Variants in VEGFC observed in about 807,000 individuals in gnomAD.
VEGFC encodes the protein FLT4 ligand DHM.
VEGFC carries 12 observed loss-of-function variants against 46.1 expected under a neutral mutation model. The ratio of observed to expected loss-of-function variants is 0.26; its 90% CI spans 0.17 to 0.42. The LOEUF (loss-of-function observed/expected upper bound fraction) is 0.42, where lower values mean the gene tolerates loss of function less well. Among genes scored for constraint, VEGFC ranks in the 10% least tolerant of loss-of-function variants. VEGFC has a pLI of 1.00. For synonymous variants in VEGFC, 232 were observed against 195.5 expected, an observed-to-expected ratio of 1.19 and a Z score of -1.56; for missense variants, 488 against 529.4, an observed-to-expected ratio of 0.92 and a Z score of 0.77.
chr4:176,698,881 C>T (rs1052155300), intron 4 of VEGFC, among the ~76,000 whole-genome samples: 4 of 152,086 alleles, frequency 2.6e-5, no homozygotes, highest in Non-Finnish European at 4.4e-5. Context: ...TTGGAAATGA[C>T]AGAATCTTTG....
chr4:176,785,022 T>C (rs1431519283), intron 1 of VEGFC, among the ~76,000 whole-genome samples: 1 of 152,004 alleles, frequency 6.6e-6, no homozygotes, highest in African/African-American at 2.4e-5. Context: ...GCAACAGTTA[T>C]GTGACTGAAA....
intron 4 of VEGFC, among the ~76,000 whole-genome samples, chr4:176,697,562 T>C (rs1459325918): frequency 1.3e-5 from 2 of 150,046 alleles, no homozygotes; most frequent in Non-Finnish European, 3.0e-5. Flanking sequence ...TCAACCATTG[T>C]GGAAGTCAGT....
intron 1 of VEGFC, among the ~76,000 whole-genome samples, chr4:176,786,016 G>C (rs112789945): frequency 0.029 from 4,346 of 152,106 alleles, 187 homozygotes; most frequent in African/African-American, 0.099. Context: ...CAGCAATCAG[G>C]AGCATATAGA....
chr4:176,792,823 CT>C lies in VEGFC; in HGVS notation c.-513del, dbSNP rs1375404145. On this transcript the variant is annotated 5_prime_UTR_variant, in exon 1 of 7. It removes the in-frame stop codon of an upstream open reading frame in the 5' UTR. Transcript: ENST00000618562. This position sits in a 1 kb window ranked among gnomAD's most constrained non-coding sequence, Gnocchi z 6.3. The stretch of plus-strand genomic sequence containing the variant: ...GGGCGGGAGGAGGGCGGCGGGGCGG[CT>C]GGCGGCGGCGGGGCCCGGGAGCGCC... 1 of 146,516 alleles carries C rather than the reference CT, an allele frequency of 6.8e-6. No homozygotes were observed. Among genetic ancestry groups the C allele is most frequent in the Non-Finnish European group, 1.5e-5 (1 of 65,594 alleles). The allele number at this position is 146,516 out of a possible 1,614,324, so 9.1% of individuals were successfully genotyped here. A position where few individuals can be genotyped will look rare whatever the true frequency, so the allele number is the denominator to read the frequency against.
chr4:176,724,186 A>G (rs1055767176), intron 3 of VEGFC, among the ~76,000 whole-genome samples: 3 of 152,218 alleles, frequency 2.0e-5, no homozygotes, highest in African/African-American at 7.2e-5. Context: ...CTATTTTATT[A>G]TTAATAATCT....
Position 176,740,002 on chromosome 4 carries a change from AAT to A in VEGFC, c.148-10258_148-10257del, listed in dbSNP as rs1179904885. ...ATATAACTATATATTCGATATATCG[AAT>A]ATATATAACTATATATTCGATATAT... On this transcript the variant is annotated intron_variant, in intron 1 of 6. Coordinates refer to ENST00000618562, the MANE Select transcript of VEGFC (RefSeq NM_005429.5). Among the ~76,000 whole-genome samples, 35 of 112,164 alleles carry A rather than the reference AAT, an allele frequency of 3.1e-4. 3 individuals carry two copies. The highest frequency in any genetic ancestry group is 1.1e-3 in the African/African-American group (35 of 31,416). 73.6% of individuals were successfully genotyped at this position (112,164 alleles called of 152,430 possible).
chr4:176,765,945 G>A (rs1735614623), intron 1 of VEGFC, among the ~76,000 whole-genome samples: 1 of 151,942 alleles, frequency 6.6e-6, no homozygotes, highest in South Asian at 2.1e-4. Context: ...AAAAAACAGA[G>A]GGTAATATGG....
At chr4:176,719,397 C>G (rs1350610835) in intron 3 of VEGFC, among the ~76,000 whole-genome samples, 1 of 152,126 alleles carries the variant, frequency 6.6e-6, no homozygotes, top group African/African-American at 2.4e-5. Context: ...TCATACTACA[C>G]TGATAATGCA....
rs57275409 is a variant in VEGFC at position 176,692,373 on chromosome 4, G to A, written c.705-4446C>T. On this transcript the variant is annotated intron_variant, in intron 4 of 6. Transcript: ENST00000618562. ...CCCGCCACTGCACTCCAGCCTGGGC[G>A]ACAGAGCGAGACTCCGTCTCAAAAA... 1.0e-3 allele frequency among the ~76,000 whole-genome samples: 131 copies of A among 127,774 alleles called. 1 individual carries two copies. The highest frequency in any genetic ancestry group is 4.7e-3 in the African/African-American group (103 of 22,084). 83.8% of individuals were successfully genotyped at this position (127,774 alleles called of 152,430 possible).
rs1169245745 is a variant in VEGFC, at chr4:176,729,629, C to T, written c.265G>A (p.Gly89Ser). 1 of 1,613,716 alleles carries T rather than the reference C, an allele frequency of 6.2e-7. No individual in the cohort carries two copies. The highest frequency in any genetic ancestry group is 8.5e-7 in the Non-Finnish European group (1 of 1,179,926). The part of the protein sequence containing the change: ...KMYKCQLRKG[G>S]WQHNREQANL... Reference sequence around the variant, plus strand: ...GCCTGTTCTCTGTTATGTTGCCAGCCTCCTTTCCTTAGCTGACACTTGTAC... The same window carrying T: ...GCCTGTTCTCTGTTATGTTGCCAGCTTCCTTTCCTTAGCTGACACTTGTAC... The change falls in exon 2 of 7, where the codon GGC becomes AGC. Residue 89 changes from glycine (G) to serine (S), a missense_variant. By Grantham distance (56) the Gly-to-Ser change is moderately conservative. Coordinates refer to ENST00000618562, the MANE Select transcript of VEGFC (RefSeq NM_005429.5).
chr4:176,754,986 C>A (rs966105108), intron 1 of VEGFC, among the ~76,000 whole-genome samples: 12 of 152,036 alleles, frequency 7.9e-5, no homozygotes, highest in Admixed American at 5.9e-4. Flanking sequence ...CATATACATT[C>A]AAATAGAAAC....
At chr4:176,706,970 T>C (rs1408434457) in intron 4 of VEGFC, among the ~76,000 whole-genome samples, 1 of 152,200 alleles carries the variant, frequency 6.6e-6, no homozygotes, top group East Asian at 1.9e-4. Context: ...AAGGGCCTCA[T>C]GTAAATCAAA....
chr4:176,783,859 G>A (rs1735953823), intron 1 of VEGFC, among the ~76,000 whole-genome samples: 2 of 62,884 alleles, frequency 3.2e-5, no homozygotes, highest in African/African-American at 5.3e-5. Context: ...AAAATTGTCA[G>A]TAATTTATAA....
At chr4:176,701,162 T>C (rs1734425093) in intron 4 of VEGFC, among the ~76,000 whole-genome samples, 1 of 152,210 alleles carries the variant, frequency 6.6e-6, no homozygotes, top group Non-Finnish European at 1.5e-5. Flanking sequence ...ACCATGCTAA[T>C]GCAAGATGTT....
At chr4:176,692,652 G>C (rs1222865813) in intron 4 of VEGFC, among the ~76,000 whole-genome samples, 4,078 of 138,586 alleles carry the variant, frequency 0.029, 97 homozygotes, top group Non-Finnish European at 0.039. Flanking sequence ...GCCTGCCTCT[G>C]TAGGCTCCAC....
chr4:176,706,430 C>A (rs1284223727), intron 4 of VEGFC, among the ~76,000 whole-genome samples: 3 of 151,858 alleles, frequency 2.0e-5, no homozygotes, highest in Non-Finnish European at 2.9e-5. Flanking sequence ...AGTTCAAGAC[C>A]AGCCTGGCCA....
intron 1 of VEGFC, among the ~76,000 whole-genome samples, chr4:176,787,456 C>A (rs1475339965): frequency 9.4e-3 from 1,068 of 114,028 alleles, no homozygotes; most frequent in South Asian, 0.016. Flanking sequence ...GACCCTGTCT[C>A]AAAAAAAAAA....
chr4:176,697,000 C>G (rs1579091192), intron 4 of VEGFC, among the ~76,000 whole-genome samples: 2 of 150,712 alleles, frequency 1.3e-5, no homozygotes, highest in East Asian at 3.9e-4. Context: ...GGATTAAAGA[C>G]TTAAACGTTA....
intron 1 of VEGFC, among the ~76,000 whole-genome samples, chr4:176,783,906 AG>A (rs1442754926): frequency 6.6e-6 from 1 of 152,186 alleles, no homozygotes; most frequent in East Asian, 1.9e-4. Context: ...AAGGTGCTGA[AG>A]AATCACAGTT....
Sources: allele counts gnomAD v4.1 joint callset (sites outside exome capture counted in the v4.1 genomes callset), GRCh38; gene constraint gnomAD v4.1.1; non-coding constraint Gnocchi (gnomAD v3.1); transcripts MANE v1.5; gene names NCBI Gene and HGNC (gene_info 2026-07-23, HGNC 2026-07-21).